The following LRRIQ1 variants were observed in gnomAD, a reference collection of about 807,000 sequenced individuals.
LRRIQ1 encodes the protein leucine rich repeats and IQ motif containing 1, also known as leucine-rich repeat- and IQ domain-containing protein 1.
LRRIQ1 carries 210 observed loss-of-function variants against 211.9 expected under a neutral mutation model. That is an observed-to-expected ratio of 0.99 (90% CI 0.89 to 1.11). The LOEUF is 1.11. Ranked by LOEUF, LRRIQ1 falls within the 50% of genes most tolerant of loss-of-function variation. The pLI, the probability that LRRIQ1 is intolerant of heterozygous loss-of-function variation, is 0.00. For missense variants in LRRIQ1, 2,136 were observed against 1,939.5 expected, an observed-to-expected ratio of 1.10 and a Z score of -1.90; for synonymous variants, 699 against 650.1, an observed-to-expected ratio of 1.08 and a Z score of -1.14.
At chr12:85,055,524 C>G (rs1880888735) in intron 7 of LRRIQ1, 23 bp from the exon 8 acceptor site, 1 of 1,441,728 alleles carries the variant, frequency 6.9e-7, no homozygotes, top group Non-Finnish European at 9.1e-7. Flanking sequence ...ATGCTGACTA[C>G]CATGTATCTT....
chr12:85,214,715 A>G (rs932638658), intron 24 of LRRIQ1, among the ~76,000 whole-genome samples: 1 of 152,148 alleles, frequency 6.6e-6, no homozygotes, highest in Non-Finnish European at 1.5e-5. Flanking sequence ...GCCTACTTAA[A>G]AAAGACCTGT....
At chr12:85,154,126 G>A (rs374099716) in intron 23 of LRRIQ1, 32 bp downstream of exon 23, 43 of 1,204,982 alleles carry the variant, frequency 3.6e-5, no homozygotes, top group Non-Finnish European at 1.0e-5. Flanking sequence ...AATAATAACT[G>A]TGTATGGAAA....
At chr12:85,240,382 G>GA (rs912600506) in intron 26 of LRRIQ1, among the ~76,000 whole-genome samples, 1 of 152,062 alleles carries the variant, frequency 6.6e-6, no homozygotes, top group Non-Finnish European at 1.5e-5. Flanking sequence ...CCACTCTGGA[G>GA]AAAAAAACTT....
intron 23 of LRRIQ1, among the ~76,000 whole-genome samples, chr12:85,157,392 GGTT>G (rs1330227145): frequency 6.6e-6 from 1 of 151,866 alleles, no homozygotes; most frequent in Non-Finnish European, 1.5e-5. Context: ...GGGTTATAGT[GGTT>G]GTTTTTCCTA....
chr12:85,195,330 A>G (rs1405429718), intron 24 of LRRIQ1, among the ~76,000 whole-genome samples: 2 of 152,046 alleles, frequency 1.3e-5, no homozygotes, highest in African/African-American at 2.4e-5. Context: ...TTATGAGGCC[A>G]GCATCATTCT....
chr12:85,198,453 A>C (rs888894065), intron 24 of LRRIQ1, among the ~76,000 whole-genome samples: 3 of 151,938 alleles, frequency 2.0e-5, no homozygotes, highest in Admixed American at 2.0e-4. Context: ...CCTTTTCTTC[A>C]CAACCTCACC....
chr12:85,133,195 A>G (rs1042816214), intron 18 of LRRIQ1, among the ~76,000 whole-genome samples: 2 of 152,174 alleles, frequency 1.3e-5, no homozygotes, highest in Admixed American at 6.5e-5. Context: ...TGGCAATCCT[A>G]TATGATTTTT....
chr12:85,152,317 C>T lies in LRRIQ1; in HGVS notation c.4367C>T (p.Thr1456Ile). 2 of 1,611,458 alleles carry T rather than the reference C, an allele frequency of 1.2e-6. No individual in the cohort carries two copies. The highest frequency in any genetic ancestry group is 1.7e-6 in the Non-Finnish European group (2 of 1,178,402). Residue 1456 changes from threonine to isoleucine, a missense_variant, in exon 20 of 27, where the codon ACC becomes ATC. By Grantham distance (89) the Thr-to-Ile change is moderately conservative. Transcript: ENST00000393217. ...LEEEWLALDS[T>I]RFPSQTLLLS... is the part of the protein sequence containing the mutation. ...GAAGAATGGCTAGCATTAGATTCCA[C>T]CCGCTTCCCTTCACAAACACTGCTT...
At chr12:85,047,714 AG>A (rs1879799149) in intron 6 of LRRIQ1, 2 of 385,374 alleles carry the variant, frequency 5.2e-6, no homozygotes, top group Non-Finnish European at 9.5e-6. Context: ...ATGAATTTCA[AG>A]GGTCATCATG....
intron 10 of LRRIQ1, among the ~76,000 whole-genome samples, chr12:85,067,890 T>TA (rs1882615486): frequency 6.6e-6 from 1 of 151,944 alleles, no homozygotes; most frequent in African/African-American, 2.4e-5. Flanking sequence ...TCTTCCCCTT[T>TA]ATTGTCAAGT....
intron 8 of LRRIQ1, among the ~76,000 whole-genome samples, chr12:85,061,959 ATTCCT>A (rs563337188): frequency 2.1e-4 from 32 of 151,920 alleles, no homozygotes; most frequent in Middle Eastern, 3.4e-3. Context: ...GAGTGGTCTA[ATTCCT>A]TTCTTTATAT....
intron 26 of LRRIQ1, among the ~76,000 whole-genome samples, chr12:85,243,306 T>C (rs1895549269): frequency 7.9e-6 from 1 of 126,752 alleles, no homozygotes; most frequent in Non-Finnish European, 1.6e-5. Flanking sequence ...AAAAATAATG[T>C]ATAACTTTTA....
downstream of LRRIQ1, among the ~76,000 whole-genome samples, chr12:85,267,361 G>A (rs775337553): frequency 3.4e-4 from 52 of 151,764 alleles, no homozygotes; most frequent in Non-Finnish European, 3.4e-4. Context: ...TCTTACACGA[G>A]AAAATTTTAG....
chr12:85,227,466 G>A (rs904416136), intron 24 of LRRIQ1, among the ~76,000 whole-genome samples: 1 of 152,036 alleles, frequency 6.6e-6, no homozygotes, highest in Non-Finnish European at 1.5e-5. Context: ...CTGCATAAAT[G>A]TCTTCTTTTG....
At chr12:85,060,047 T>A (rs759040141) in intron 8 of LRRIQ1, among the ~76,000 whole-genome samples, 1 of 151,956 alleles carries the variant, frequency 6.6e-6, no homozygotes, top group Non-Finnish European at 1.5e-5. Context: ...TGACACCTTA[T>A]GCAAATGCTT....
At chr12:85,179,410 T>C (rs1270852672) in intron 24 of LRRIQ1, among the ~76,000 whole-genome samples, 2 of 151,992 alleles carry the variant, frequency 1.3e-5, no homozygotes, top group African/African-American at 2.4e-5. Flanking sequence ...AAGTAGATGA[T>C]AGCATTTGCA....
chr12:85,121,676 C>CT, intron 15 of LRRIQ1, 21 bp from the exon 16 acceptor site: 1 of 1,528,088 alleles, frequency 6.5e-7, no homozygotes, highest in East Asian at 2.3e-5. Context: ...GGATTATTAA[C>CT]TTTTTTGTTG....
chr12:85,157,277 T>G (rs1890604597), intron 23 of LRRIQ1, among the ~76,000 whole-genome samples: 1 of 151,686 alleles, frequency 6.6e-6, no homozygotes. Context: ...GACCATCTGA[T>G]TAAAAGAGGA....
intron 17 of LRRIQ1, among the ~76,000 whole-genome samples, chr12:85,125,734 T>C (rs1888330287): frequency 6.6e-6 from 1 of 152,188 alleles, no homozygotes; most frequent in Admixed American, 6.5e-5. Flanking sequence ...ATTTTCTGAT[T>C]TATGTTTTAT....
Sources: allele counts gnomAD v4.1 joint callset (sites outside exome capture counted in the v4.1 genomes callset), GRCh38; gene constraint gnomAD v4.1.1; transcripts MANE v1.5; gene names NCBI Gene and HGNC (gene_info 2026-07-23, HGNC 2026-07-21).